Variants in ZFHX3 observed in about 807,000 individuals in gnomAD.
The protein encoded by ZFHX3 is zinc finger homeobox 3, also known as zinc finger homeobox protein 3.
In ZFHX3, 42 loss-of-function variants were observed where a neutral mutation model predicts 279.1. The ratio of observed to expected loss-of-function variants is 0.15; its 90% confidence interval spans 0.12 to 0.19. The LOEUF (loss-of-function observed/expected upper bound fraction) is 0.19. Among genes scored for constraint, ZFHX3 ranks in the 10% least tolerant of loss-of-function variants. The probability of loss-of-function intolerance (pLI) is 1.00; values close to 1 mark genes in which losing one functional copy is unlikely to be tolerated. For missense variants in ZFHX3, 4,981 were observed against 4,754.0 expected, an observed-to-expected ratio of 1.05 and a Z score of -1.40; for synonymous variants, 2,293 against 1,957.8, an observed-to-expected ratio of 1.17 and a Z score of -4.52.
chr16:73,120,649 CCTTTTTT>C (rs1966485889), intron 7 of ZFHX3, among the ~76,000 whole-genome samples: 2 of 106,202 alleles, frequency 1.9e-5, no homozygotes, highest in Non-Finnish European at 4.0e-5. Context: ...ATCCTCTCTA[CCTTTTTT>C]TTTTTTTTTT....
chr16:73,295,106 T>C (rs1048942496), intron 4 of ZFHX3, among the ~76,000 whole-genome samples: 8 of 150,638 alleles, frequency 5.3e-5, no homozygotes, highest in African/African-American at 1.7e-4. Flanking sequence ...TCTCAGCTAC[T>C]AGGGAGGCTG....
chr16:73,597,578 G>T (rs1011165113), intron 2 of ZFHX3, among the ~76,000 whole-genome samples: 2 of 152,112 alleles, frequency 1.3e-5, no homozygotes, highest in African/African-American at 2.4e-5. Context: ...TTTGACAAAG[G>T]CCATGAGAAC....
chr16:73,394,815 G>A (rs1350927708), intron 3 of ZFHX3, among the ~76,000 whole-genome samples: 1 of 152,136 alleles, frequency 6.6e-6, no homozygotes, highest in African/African-American at 2.4e-5. Flanking sequence ...GCCAGACACT[G>A]ACCTAAGCAT....
At chr16:73,650,882 G>C (rs1288047449) in intron 2 of ZFHX3, among the ~76,000 whole-genome samples, 1 of 152,104 alleles carries the variant, frequency 6.6e-6, no homozygotes, top group Non-Finnish European at 1.5e-5. Context: ...ATGCAAGTAT[G>C]TTAGGGAAAA....
intron 4 of ZFHX3, among the ~76,000 whole-genome samples, chr16:72,845,406 A>T (rs2037453353): frequency 1.3e-5 from 2 of 152,268 alleles, no homozygotes; most frequent in African/African-American, 4.8e-5. Context: ...AGTCAATGAA[A>T]GGCTCCATAA....
intron 1 of ZFHX3, among the ~76,000 whole-genome samples, chr16:73,056,553 T>A (rs1221008938): frequency 6.6e-6 from 1 of 151,886 alleles, no homozygotes; most frequent in East Asian, 1.9e-4. Flanking sequence ...TAAACAGATT[T>A]GGAAAAAAAA....
chr16:73,679,922 C>T (rs1453917284), intron 2 of ZFHX3: 2 of 152,290 alleles, frequency 1.3e-5, no homozygotes, highest in Non-Finnish European at 2.9e-5. Context: ...TAAGTAGTAA[C>T]GACAACACCT....
chr16:73,570,240 C>G (rs1333218053), intron 2 of ZFHX3, among the ~76,000 whole-genome samples: 4 of 152,176 alleles, frequency 2.6e-5, no homozygotes, highest in Admixed American at 2.6e-4. Flanking sequence ...CCTTAGGATT[C>G]CCGACACAAA....
At chr16:72,845,914 A>G (rs1250742334) in intron 4 of ZFHX3, among the ~76,000 whole-genome samples, 2 of 152,304 alleles carry the variant, frequency 1.3e-5, no homozygotes, top group South Asian at 4.1e-4. Flanking sequence ...CTAGGAGGTG[A>G]CAGCTGATGC....
chr16:73,545,070 G>A (rs1567515226), intron 2 of ZFHX3, among the ~76,000 whole-genome samples: 1 of 152,106 alleles, frequency 6.6e-6, no homozygotes, highest in Admixed American at 6.5e-5. Flanking sequence ...TCCCTTCAGA[G>A]CACGAAACAC....
At chr16:73,217,616 G>A (rs946590750) in intron 5 of ZFHX3, among the ~76,000 whole-genome samples, 2 of 152,134 alleles carry the variant, frequency 1.3e-5, no homozygotes, top group Non-Finnish European at 2.9e-5. Context: ...ACTTTTCAAA[G>A]GTAGCTAGGT....
At chr16:72,946,600 C>A (rs774289345) in intron 3 of ZFHX3, among the ~76,000 whole-genome samples, 2 of 152,336 alleles carry the variant, frequency 1.3e-5, no homozygotes, top group South Asian at 4.1e-4. Context: ...AAGCAGCACA[C>A]ATTTCAGAGA....
intron 8 of ZFHX3, among the ~76,000 whole-genome samples, chr16:73,070,107 C>T (rs1488677862): frequency 6.6e-6 from 1 of 152,170 alleles, no homozygotes; most frequent in Admixed American, 6.5e-5. Context: ...AAGAACACTG[C>T]TTGAAAGTCA....
intron 5 of ZFHX3, among the ~76,000 whole-genome samples, chr16:73,183,553 C>T (rs1967847146): frequency 6.6e-6 from 1 of 152,184 alleles, no homozygotes; most frequent in African/African-American, 2.4e-5. Context: ...TCCTTGTTCA[C>T]GGCTGTCACT....
intron 1 of ZFHX3, among the ~76,000 whole-genome samples, chr16:73,687,509 C>T (rs1004464259): frequency 2.0e-5 from 3 of 151,960 alleles, no homozygotes; most frequent in African/African-American, 7.3e-5. Context: ...TGTTGGTGTA[C>T]ATCAGAAAGG....
chr16:73,647,512 T>C (rs1313162757), intron 2 of ZFHX3, among the ~76,000 whole-genome samples: 1 of 152,194 alleles, frequency 6.6e-6, no homozygotes, highest in Non-Finnish European at 1.5e-5. Flanking sequence ...ATCTTTCACC[T>C]TCCGCCATGA....
chr16:73,536,227 A>G (rs2143738714), intron 2 of ZFHX3, among the ~76,000 whole-genome samples: 1 of 152,334 alleles, frequency 6.6e-6, no homozygotes, highest in Non-Finnish European at 1.5e-5. Flanking sequence ...TTACTACATA[A>G]TAAGTGCATT....
Position 72,958,297 on chromosome 16 carries a change from C to T in ZFHX3, c.1849G>A (p.Val617Ile), listed in dbSNP as rs111320371. Reference protein sequence around the residue: ...ESTEGDDGGFVPHHQHAGSLC... With the variant: ...ESTEGDDGGFIPHHQHAGSLC... ...GAGCCAGCGTGCTGGTGATGGGGAA[C>T]GAAGCCCCCATCGTCACCCTCTGTG... The change falls in exon 2 of 10, where the codon GTT becomes ATT. Residue 617 changes from valine (V) to isoleucine (I), a missense_variant. Val to Ile is a conservative substitution (Grantham distance 29). This residue lies in a region of ZFHX3 where 1,068 missense variants were observed against 935.2 expected (regional missense o/e 1.14). Coordinates refer to ENST00000268489, the MANE Select transcript of ZFHX3 (RefSeq NM_006885.4). The T allele has an allele frequency of 2.8e-4, 450 of 1,614,020 alleles. 6 individuals carry two copies. The Middle Eastern group carries it at 8.6e-3, about 31-fold the overall frequency.
chr16:73,059,228 A>AC (rs1245956818), exon 1 of ZFHX3: 1 of 150,560 alleles, frequency 6.6e-6, no homozygotes, highest in Non-Finnish European at 1.5e-5. Context: ...AAAAAAAAAA[A>AC]AAACAGGGGA....
Sources: gnomAD v4.1 joint callset for allele counts (sites outside exome capture counted in the v4.1 genomes callset) on GRCh38, gnomAD v4.1.1 for gene constraint, gnomAD v4.1.1 regional missense constraint, MANE v1.5 for transcripts, NCBI Gene and HGNC (gene_info 2026-07-23, HGNC 2026-07-21) for gene names.